Variants in SLC20A1 observed in about 807,000 individuals in gnomAD.
SLC20A1 encodes solute carrier family 20 member 1.
In SLC20A1, 28 loss-of-function variants were observed where a neutral mutation model predicts 62.7. The ratio of observed to expected loss-of-function variants is 0.45; its 90% CI spans 0.33 to 0.61. The LOEUF (loss-of-function observed/expected upper bound fraction) is 0.61. Ranked by LOEUF, SLC20A1 falls within the 20% of genes least tolerant of loss-of-function variation. SLC20A1 has a pLI of 0.02. For synonymous variants in SLC20A1, 305 were observed against 302.9 expected, an observed-to-expected ratio of 1.01 and a Z score of -0.07; for missense variants, 673 against 838.6, an observed-to-expected ratio of 0.80 and a Z score of 2.44.
intron 10 of SLC20A1, among the ~76,000 whole-genome samples, chr2:112,662,597 A>G (rs899769341): frequency 6.6e-6 from 1 of 152,232 alleles, no homozygotes; most frequent in African/African-American, 2.4e-5. Flanking sequence ...AAATAAATAA[A>G]AGCAGTATAT....
intron 4 of SLC20A1, among the ~76,000 whole-genome samples, chr2:112,649,751 A>ATAT (rs1686385862): frequency 6.6e-6 from 1 of 152,210 alleles, no homozygotes; most frequent in Non-Finnish European, 1.5e-5. Context: ...AGTCAAAGAA[A>ATAT]ATAGGGCTTT....
At position 112,657,192 on chromosome 2, in the gene SLC20A1, C is replaced by G. The variant is rs759674262; in HGVS notation, c.729C>G (p.Ala243=). Residue 243 remains alanine, a synonymous_variant, in exon 6 of 11, where the codon GCC becomes GCG. Transcript: ENST00000272542. ...CGGTGGGATGTGCAGTTTTCTGTGC[C>G]CTTATCGTCTGGTTCTTTGTATGTC... ...LISVGCAVFC[A]LIVWFFVCPR... The G allele has an allele frequency of 6.2e-7, 1 of 1,613,816 alleles. No individual in the cohort carries two copies. The highest frequency in any genetic ancestry group is 1.7e-5 in the Admixed American group (1 of 59,982).
chr2:112,648,610 G>A (rs998661508), intron 4 of SLC20A1, among the ~76,000 whole-genome samples: 1 of 152,238 alleles, frequency 6.6e-6, no homozygotes, highest in African/African-American at 2.4e-5. Flanking sequence ...AGCTTCTCTA[G>A]GGAAAGATTT....
At chr2:112,646,426 C>G (rs1235491618) in intron 1 of SLC20A1, 137 bp from the exon 2 acceptor site, 2 of 152,270 alleles carry the variant, frequency 1.3e-5, no homozygotes. Flanking sequence ...CTCTCCTTCT[C>G]GCGCGTCCTA....
chr2:112,659,896 G>A, intron 8 of SLC20A1, 134 bp downstream of exon 8: 1 of 693,350 alleles, frequency 1.4e-6, no homozygotes, highest in Middle Eastern at 2.7e-4. Context: ...TGAGGTAATA[G>A]CAGTTATTGA....
rs77746742 is a variant in SLC20A1 at position 112,647,906 on chromosome 2, C to T, written c.561+168C>T. Among the ~76,000 whole-genome samples the T allele has an allele frequency of 0.049, 7,429 of 152,038 alleles. 656 individuals carry two copies. Among genetic ancestry groups the T allele is most frequent in the East Asian group, 0.42 (2,155 of 5,168 alleles). On this transcript the variant is annotated intron_variant, in intron 4 of 10. Coordinates refer to ENST00000272542, the MANE Select transcript of SLC20A1 (RefSeq NM_005415.5). Reference sequence around the variant, plus strand: ...TGTATGTTGTGGAGTTCTCTGAAAGCGAGTTTTTAATACTCAAGAGGGCAG... The same window carrying T: ...TGTATGTTGTGGAGTTCTCTGAAAGTGAGTTTTTAATACTCAAGAGGGCAG...
chr2:112,646,441 G>C (rs1284333442), intron 1 of SLC20A1, 122 bp from the exon 2 acceptor site: 1 of 152,476 alleles, frequency 6.6e-6, no homozygotes, highest in African/African-American at 2.4e-5. Context: ...GTCCTACTGG[G>C]GATGGGGGTC....
intron 6 of SLC20A1, 95 bp downstream of exon 6, chr2:112,657,336 A>G: frequency 7.8e-7 from 1 of 1,276,090 alleles, no homozygotes; most frequent in African/African-American, 1.5e-5. Context: ...AGAGATTGGC[A>G]AAATAAGAGA....
rs1686265199 is a variant in SLC20A1, at chr2:112,646,143, C to G, written c.-267+14C>G. The G allele has an allele frequency of 6.6e-6, 1 of 152,034 alleles. No homozygotes were observed. Among genetic ancestry groups the G allele is most frequent in the Non-Finnish European group, 1.5e-5 (1 of 67,978 alleles). The allele number at this position is 152,034 out of a possible 1,614,324, so 9.4% of individuals were successfully genotyped here. On this transcript the variant is annotated intron_variant, in intron 1 of 10. Coordinates refer to ENST00000272542, the MANE Select transcript of SLC20A1 (RefSeq NM_005415.5). ...CCCTTTTCCCTGGTGAGTAGTGGCG[C>G]CGCCTCGTAAAGGCTCTTTCTTCTC...
intron 4 of SLC20A1, 66 bp downstream of exon 4, chr2:112,647,804 T>C: frequency 7.6e-7 from 1 of 1,308,644 alleles, no homozygotes; most frequent in Non-Finnish European, 1.1e-6. Context: ...AACCCAGTGG[T>C]ACTTTTGCAG....
rs561224872 is a variant in SLC20A1 at position 112,647,284 on chromosome 2, A to T, written c.335-40A>T. On this transcript the variant is annotated intron_variant, in intron 2 of 10. Transcript: ENST00000272542. Reference sequence around the variant, plus strand: ...TCTGAATGTGCCACTTACATAATGGAATTTTGATATTTACTTAATAAAACT... The same window carrying T: ...TCTGAATGTGCCACTTACATAATGGTATTTTGATATTTACTTAATAAAACT... 5 of 1,602,630 alleles carry T rather than the reference A, an allele frequency of 3.1e-6. No homozygotes were observed. The South Asian group carries it at 5.5e-5, about 18-fold the overall frequency.
rs770364998 is a variant in SLC20A1 at position 112,659,481 on chromosome 2, C to T, written c.1326C>T (p.Gly442=). ...SFRAKEGEQK[G]EEMEKLTWPN... ...GTGCCAAAGAAGGTGAACAGAAGGG[C>T]GAAGAAATGGAGAAGCTGACATGGC... Residue 442 remains glycine, a synonymous_variant, in exon 8 of 11, where the codon GGC becomes GGT. Coordinates refer to ENST00000272542, the MANE Select transcript of SLC20A1 (RefSeq NM_005415.5). 38 of 1,613,984 alleles carry T rather than the reference C, an allele frequency of 2.4e-5. No homozygotes were observed. Among genetic ancestry groups the T allele is most frequent in the African/African-American group, 1.5e-4 (11 of 74,886 alleles).
intron 5 of SLC20A1, chr2:112,653,148 T>C: frequency 5.5e-6 from 2 of 361,314 alleles, no homozygotes; most frequent in South Asian, 4.8e-5. Context: ...TGATCTTCAG[T>C]AATCAGTCAT....
intron 6 of SLC20A1, among the ~76,000 whole-genome samples, chr2:112,658,065 C>T (rs935943001): frequency 2.0e-5 from 3 of 152,226 alleles, no homozygotes; most frequent in Non-Finnish European, 4.4e-5. Flanking sequence ...GAAGAGCCTC[C>T]GAGAGGTTCT....
intron 4 of SLC20A1, among the ~76,000 whole-genome samples, chr2:112,648,960 A>G (rs1686357207): frequency 6.6e-6 from 1 of 152,188 alleles, no homozygotes; most frequent in African/African-American, 2.4e-5. Context: ...CTTGCTACTT[A>G]GCAGAGAGTC....
In SLC20A1 at chr2:112,658,804, GAC is replaced by G. The variant is rs765255173; in HGVS notation, c.779-20_779-19del. The G allele has an allele frequency of 1.9e-5, 30 of 1,579,622 alleles. No homozygotes were observed. The African/African-American group carries it at 3.7e-4, about 19-fold the overall frequency. On this transcript the variant is annotated intron_variant, in intron 6 of 10. Coordinates refer to ENST00000272542, the MANE Select transcript of SLC20A1 (RefSeq NM_005415.5). Reference sequence around the variant, plus strand: ...GTATGGCCACAACCAAACCAAAAAAGACCCCCCTTTTTTTTCCTAGGAGAAAT... The same window carrying G: ...GTATGGCCACAACCAAACCAAAAAAGCCCCCTTTTTTTTCCTAGGAGAAAT...
chr2:112,646,434 C>T (rs1355110302), intron 1 of SLC20A1, 129 bp from the exon 2 acceptor site: 1 of 152,372 alleles, frequency 6.6e-6, no homozygotes, highest in Non-Finnish European at 1.5e-5. Context: ...CTCGCGCGTC[C>T]TACTGGGGAT....
At chr2:112,658,718 T>G (rs2104649410) in intron 6 of SLC20A1, 107 bp from the exon 7 acceptor site, 1 of 1,218,060 alleles carries the variant, frequency 8.2e-7, no homozygotes, top group Middle Eastern at 2.8e-4. Context: ...GAAGTTCACA[T>G]ACATTCTTGT....
chr2:112,650,887 G>A (rs1410330725), intron 4 of SLC20A1, among the ~76,000 whole-genome samples: 1 of 152,120 alleles, frequency 6.6e-6, no homozygotes, highest in African/African-American at 2.4e-5. Context: ...CTCCCAAAGT[G>A]CTAGGATTAC....
Sources: gnomAD v4.1 joint callset for allele counts (sites outside exome capture counted in the v4.1 genomes callset) on GRCh38, gnomAD v4.1.1 for gene constraint, MANE v1.5 for transcripts, NCBI Gene and HGNC (gene_info 2026-07-23, HGNC 2026-07-21) for gene names.